Variants in ADAMTS20 observed in about 807,000 individuals in gnomAD.
ADAMTS20 encodes the protein ADAM metallopeptidase with thrombospondin type 1 motif 20, also known as A disintegrin and metalloproteinase with thrombospondin motifs 20.
A neutral mutation model predicts 260.1 loss-of-function variants in ADAMTS20; 225 were observed. The observed-to-expected ratio is 0.87, with a 90% CI of 0.78 to 0.97. The LOEUF (loss-of-function observed/expected upper bound fraction) is 0.97, where lower values mean the gene tolerates loss of function less well. Ranked by LOEUF, ADAMTS20 falls within the 50% of genes least tolerant of loss-of-function variation. The probability of loss-of-function intolerance (pLI) is 0.00; values close to 1 mark genes in which losing one functional copy is unlikely to be tolerated. For missense variants in ADAMTS20, 2,400 were observed against 2,337.7 expected (o/e 1.03, Z -0.55); for synonymous variants, 802 against 769.5 (o/e 1.04, Z -0.70).
intron 28 of ADAMTS20, among the ~76,000 whole-genome samples, chr12:43,412,606 A>G (rs1321246720): frequency 3.3e-5 from 5 of 152,110 alleles, no homozygotes; most frequent in East Asian, 1.9e-4. Flanking sequence ...AGAAATGCTG[A>G]CAAGGAGACA....
intron 37 of ADAMTS20, among the ~76,000 whole-genome samples, chr12:43,359,836 A>G (rs1046345864): frequency 2.0e-5 from 3 of 152,248 alleles, no homozygotes; most frequent in Admixed American, 2.0e-4. Flanking sequence ...TACAAAATTT[A>G]ATTCAAAATA....
At chr12:43,536,913 C>A (rs930390689) in intron 2 of ADAMTS20, among the ~76,000 whole-genome samples, 1 of 152,114 alleles carries the variant, frequency 6.6e-6, no homozygotes, top group Non-Finnish European at 1.5e-5. Context: ...AATTCAGAAA[C>A]AAATTACTGA....
At chr12:43,439,565 C>A in intron 18 of ADAMTS20, 57 bp downstream of exon 18, 1 of 1,553,780 alleles carries the variant, frequency 6.4e-7, no homozygotes, top group South Asian at 1.3e-5. Context: ...CAAAAGTACC[C>A]AAAATGATGC....
chr12:43,475,703 A>G (rs1285915977), intron 7 of ADAMTS20, among the ~76,000 whole-genome samples: 4 of 149,950 alleles, frequency 2.7e-5, no homozygotes, highest in African/African-American at 9.7e-5. Context: ...ACCTACAACT[A>G]TCTGATCTTT....
intron 16 of ADAMTS20, among the ~76,000 whole-genome samples, chr12:43,441,465 T>C (rs1941664803): frequency 6.6e-6 from 1 of 151,982 alleles, no homozygotes; most frequent in Non-Finnish European, 1.5e-5. Flanking sequence ...GGATTTAAGT[T>C]TAAGTTGTTG....
intron 29 of ADAMTS20, among the ~76,000 whole-genome samples, chr12:43,384,211 G>A (rs887439020): frequency 2.6e-5 from 4 of 152,150 alleles, no homozygotes; most frequent in Non-Finnish European, 5.9e-5. Context: ...AGCGAATCAA[G>A]TTATAGTAGA....
At position 43,551,855 on chromosome 12, in the gene ADAMTS20, C is replaced by T; in HGVS notation, c.67G>A (p.Glu23Lys). 1 of 1,613,724 alleles carries T rather than the reference C, an allele frequency of 6.2e-7. No homozygotes were observed. The highest frequency in any genetic ancestry group is 1.1e-5 in the South Asian group (1 of 91,088). Residue 23 changes from glutamate (E) to lysine (K), a missense_variant, in exon 1 of 39, where the codon GAA (glutamate) becomes AAA (lysine). Physicochemically the swap from Glu to Lys is moderately conservative, Grantham distance 56 (BLOSUM62 1). Coordinates refer to ENST00000389420, the MANE Select transcript of ADAMTS20 (RefSeq NM_025003.5). The surrounding 1 kb of genome is among the most constrained non-coding windows in gnomAD (Gnocchi z 4.6). ...HLSLFITRSW[E>K]VDFHPRQEAL... Reference sequence around the variant, plus strand: ...CCTTGCCTGGGGTGGAAGTCAACTTCCCAAGACCTGGTGATGAAGAGCGAG... The same window carrying T: ...CCTTGCCTGGGGTGGAAGTCAACTTTCCAAGACCTGGTGATGAAGAGCGAG...
intron 3 of ADAMTS20, among the ~76,000 whole-genome samples, chr12:43,502,712 A>C (rs1418713689): frequency 1.3e-5 from 2 of 152,198 alleles, no homozygotes; most frequent in Admixed American, 6.5e-5. Context: ...ACTACCAAGT[A>C]GAAAATAAAA....
In ADAMTS20 at chr12:43,538,481, G is replaced by A. The variant is rs899890795; in HGVS notation, c.454-6286C>T. 2.0e-5 allele frequency among the ~76,000 whole-genome samples: 3 copies of A among 152,132 alleles called. No homozygotes were observed. The South Asian group carries it at 6.2e-4, about 31-fold the overall frequency. ...ACTCTGTGGGTTGTCTCTTCACTTTGTTGATTGTATCCTTTGCTGTGCAGA... is the reference window on the plus strand; with the variant it reads ...ACTCTGTGGGTTGTCTCTTCACTTTATTGATTGTATCCTTTGCTGTGCAGA... On this transcript the variant is annotated intron_variant, in intron 2 of 38. Transcript: ENST00000389420.
chr12:43,379,572 C>CA (rs1940304710), intron 31 of ADAMTS20, among the ~76,000 whole-genome samples: 1 of 152,126 alleles, frequency 6.6e-6, no homozygotes, highest in African/African-American at 2.4e-5. Context: ...CCCAACCCCC[C>CA]AACACACAGT....
intron 7 of ADAMTS20, among the ~76,000 whole-genome samples, chr12:43,488,040 C>G (rs1942549196): frequency 6.6e-6 from 1 of 151,966 alleles, no homozygotes; most frequent in Middle Eastern, 3.2e-3. Context: ...TCACAGTGAA[C>G]TTCAAAGCAG....
At chr12:43,538,022 G>A (rs564803612) in intron 2 of ADAMTS20, among the ~76,000 whole-genome samples, 2 of 152,282 alleles carry the variant, frequency 1.3e-5, no homozygotes, top group East Asian at 1.9e-4. Flanking sequence ...CCTTTCATTT[G>A]GGTGTATACC....
intron 28 of ADAMTS20, among the ~76,000 whole-genome samples, chr12:43,420,980 G>A (rs1941221714): frequency 6.6e-6 from 1 of 150,758 alleles, no homozygotes; most frequent in Non-Finnish European, 1.5e-5. Flanking sequence ...GGTAATTTTT[G>A]TATTTTTAGT....
intron 17 of ADAMTS20, 59 bp from the exon 18 acceptor site, chr12:43,439,810 T>C: frequency 6.4e-7 from 1 of 1,555,612 alleles, no homozygotes; most frequent in South Asian, 1.2e-5. Context: ...CTTGACATCA[T>C]TTTATATTTG....
chr12:43,543,681 T>G (rs1943406330), intron 2 of ADAMTS20, among the ~76,000 whole-genome samples: 1 of 152,158 alleles, frequency 6.6e-6, no homozygotes, highest in Non-Finnish European at 1.5e-5. Context: ...CGTGATCTGT[T>G]TGGTGAACAG....
At chr12:43,531,415 A>T (rs1943218700) in intron 3 of ADAMTS20, among the ~76,000 whole-genome samples, 1 of 152,132 alleles carries the variant, frequency 6.6e-6, no homozygotes, top group East Asian at 1.9e-4. Flanking sequence ...CCAATCTCAT[A>T]TACTGAAAAA....
In ADAMTS20 at chr12:43,376,096, A is replaced by C; in HGVS notation, c.5273T>G (p.Val1758Gly). 1 of 1,611,058 alleles carries C rather than the reference A, an allele frequency of 6.2e-7. No individual in the cohort carries two copies. The highest frequency in any genetic ancestry group is 8.5e-7 in the Non-Finnish European group (1 of 1,178,720). ...LENPKEYLTL[V>G]QGEENFSEVY... ...TTCAGAAAAGTTTTCTTCACCTTGGACCAGTGTTAAATATTCCTTAGGGTT... is the reference window on the plus strand; with the variant it reads ...TTCAGAAAAGTTTTCTTCACCTTGGCCCAGTGTTAAATATTCCTTAGGGTT... Residue 1758 changes from valine (V) to glycine (G), a missense_variant, in exon 35 of 39, where the codon GTC becomes GGC. By Grantham distance (109) the Val-to-Gly change is moderately radical (BLOSUM62 -3). Transcript: ENST00000389420.
At chr12:43,415,445 A>C (rs1941112330) in intron 28 of ADAMTS20, among the ~76,000 whole-genome samples, 1 of 152,210 alleles carries the variant, frequency 6.6e-6, no homozygotes, top group South Asian at 2.1e-4. Flanking sequence ...AGATTGTTTG[A>C]AATATTATTA....
intron 8 of ADAMTS20, 34 bp from the exon 9 acceptor site, chr12:43,466,829 C>G: frequency 6.8e-7 from 1 of 1,480,272 alleles, no homozygotes; most frequent in Non-Finnish European, 9.3e-7. Flanking sequence ...AAAGGAATAT[C>G]AAAAGATGCT....
Sources: allele counts gnomAD v4.1 joint callset (sites outside exome capture counted in the v4.1 genomes callset), GRCh38; gene constraint gnomAD v4.1.1; non-coding constraint Gnocchi (gnomAD v3.1); transcripts MANE v1.5; gene names NCBI Gene and HGNC (gene_info 2026-07-23, HGNC 2026-07-21).